The following PRKCD variants were observed in gnomAD, a reference collection of about 807,000 sequenced individuals.
The protein encoded by PRKCD is protein kinase C delta, also known as protein kinase C delta type.
A neutral mutation model predicts 82.2 loss-of-function variants in PRKCD; 20 were observed. The observed-to-expected ratio is 0.24, with a 90% CI of 0.17 to 0.35. PRKCD has a LOEUF of 0.35. PRKCD is among the 10% of genes least tolerant of loss of function. The pLI, the probability that PRKCD is intolerant of heterozygous loss-of-function variation, is 1.00. For missense variants in PRKCD, 607 were observed against 899.0 expected, an observed-to-expected ratio of 0.68 and a Z score of 4.15; for synonymous variants, 317 against 337.0, an observed-to-expected ratio of 0.94 and a Z score of 0.65.
intron 1 of PRKCD, among the ~76,000 whole-genome samples, chr3:53,162,028 G>A: frequency 6.6e-6 from 1 of 151,610 alleles, no homozygotes; most frequent in Admixed American, 6.6e-5. Flanking sequence ...GTCCCTGGAG[G>A]CCCGACCCGC....
intron 1 of PRKCD, among the ~76,000 whole-genome samples, chr3:53,162,532 C>T (rs1310514938): frequency 6.6e-6 from 1 of 152,208 alleles, no homozygotes; most frequent in Non-Finnish European, 1.5e-5. Flanking sequence ...GTGTCAGCTT[C>T]TGTGCTGTCT....
At chr3:53,162,493 A>G (rs1209418509) in intron 1 of PRKCD, among the ~76,000 whole-genome samples, 1 of 152,102 alleles carries the variant, frequency 6.6e-6, no homozygotes, top group Admixed American at 6.5e-5. Flanking sequence ...AGTCACTGGT[A>G]TCTGGGTGTG....
At chr3:53,164,699 T>C (rs1575521603) in intron 1 of PRKCD, among the ~76,000 whole-genome samples, 1 of 152,150 alleles carries the variant, frequency 6.6e-6, no homozygotes, top group East Asian at 1.9e-4. Flanking sequence ...AGGCTAGTAG[T>C]TTCCCCATTA....
chr3:53,182,272 A>G (rs533170142), intron 7 of PRKCD, among the ~76,000 whole-genome samples: 5 of 142,972 alleles, frequency 3.5e-5, no homozygotes, highest in Non-Finnish European at 7.7e-5. Context: ...CCTCATCTAT[A>G]ATTTTTTTTT....
At chr3:53,188,661 G>A (rs1703802817) in intron 15 of PRKCD, 59 bp from the exon 16 acceptor site, 4 of 1,599,288 alleles carry the variant, frequency 2.5e-6, no homozygotes, top group African/African-American at 2.7e-5. Flanking sequence ...GACATGGGGG[G>A]CAGGGTTGGA....
Position 53,183,236 on chromosome 3 carries a change from A to T in PRKCD, c.657+30A>T, listed in dbSNP as rs782642949. 4 of 1,610,404 alleles carry T rather than the reference A, an allele frequency of 2.5e-6. No individual in the cohort carries two copies. The South Asian group carries it at 3.3e-5, about 13-fold the overall frequency. On this transcript the variant is annotated intron_variant, in intron 8 of 18. Transcript: ENST00000330452. ...GCCTGGGTCCGGGGCAGGGCTGGGG[A>T]TCTGGGGGGCTTGGCCAGATGGGAG...
In PRKCD at chr3:53,192,387, C is replaced by T. The variant is rs2107294192; in HGVS notation, c.*121C>T. 1 of 1,238,074 alleles carries T rather than the reference C, an allele frequency of 8.1e-7. No individual in the cohort carries two copies. Among genetic ancestry groups the T allele is most frequent in the East Asian group, 2.3e-5 (1 of 42,564 alleles). The allele number at this position is 1,238,074 out of a possible 1,614,324, so 76.7% of individuals were successfully genotyped here. A position where few individuals can be genotyped will look rare whatever the true frequency, so the allele number is the denominator to read the frequency against. On this transcript the variant is annotated 3_prime_UTR_variant, in exon 19 of 19. Transcript: ENST00000330452. Reference sequence around the variant, plus strand: ...GCCCCGCCCCTGCCCCCAGAGCGTCCTTGGCTGCCGTCTGGCCGGGCTCTC... The same window carrying T: ...GCCCCGCCCCTGCCCCCAGAGCGTCTTTGGCTGCCGTCTGGCCGGGCTCTC...
intron 2 of PRKCD, among the ~76,000 whole-genome samples, chr3:53,171,242 G>A (rs976207978): frequency 1.3e-5 from 2 of 152,200 alleles, no homozygotes; most frequent in South Asian, 2.1e-4. Context: ...CTCTGACTGA[G>A]CCCAGGACTC....
In PRKCD at chr3:53,181,589, G is replaced by C. The variant is rs782117554; in HGVS notation, c.522G>C (p.Val174=). The part of the protein sequence containing the change: ...TFFGQPTFCS[V]CKDFVWGLNK... The stretch of plus-strand genomic sequence containing the variant: ...TTGGGCAACCCACCTTCTGTTCTGT[G>C]TGCAAAGACTTTGTCTGGTGAGAAC... The change falls in exon 6 of 19, where the codon GTG becomes GTC. Residue 174 remains valine (V), a synonymous_variant. Transcript: ENST00000330452. 6.2e-7 allele frequency: 1 copy of C among 1,614,264 alleles called. No individual in the cohort carries two copies. Among genetic ancestry groups the C allele is most frequent in the Non-Finnish European group, 8.5e-7 (1 of 1,180,050 alleles).
At chr3:53,177,513 T>TG (rs1441892905) in intron 2 of PRKCD, among the ~76,000 whole-genome samples, 3 of 152,138 alleles carry the variant, frequency 2.0e-5, no homozygotes, top group Non-Finnish European at 4.4e-5. Context: ...ATCTGAAAAG[T>TG]GGGGGGTGTT....
At chr3:53,182,421 A>C (rs1314365452) in intron 7 of PRKCD, among the ~76,000 whole-genome samples, 5 of 152,042 alleles carry the variant, frequency 3.3e-5, no homozygotes, top group African/African-American at 9.7e-5. Flanking sequence ...GGCGTGCACC[A>C]CCATGCCCGG....
intron 2 of PRKCD, among the ~76,000 whole-genome samples, chr3:53,170,549 G>A (rs2107231344): frequency 6.6e-6 from 1 of 152,368 alleles, no homozygotes; most frequent in African/African-American, 2.4e-5. Flanking sequence ...GCCCAGTGAT[G>A]TGCCTGACCA....
At chr3:53,165,901 T>C (rs1183497419) in intron 2 of PRKCD, among the ~76,000 whole-genome samples, 3 of 152,214 alleles carry the variant, frequency 2.0e-5, no homozygotes, top group South Asian at 2.1e-4. Context: ...TCAGCCCTAT[T>C]ACCATGAAAA....
Position 53,186,767 on chromosome 3 carries a change from C to A in PRKCD, c.1352+72C>A, listed in dbSNP as rs1703712897. The A allele has an allele frequency of 1.3e-5, 18 of 1,418,328 alleles. No homozygotes were observed. In the South Asian group the frequency reaches 2.2e-4, roughly 18 times the overall value. 87.9% of individuals were successfully genotyped at this position (1,418,328 alleles called of 1,614,324 possible). ...TACTGGCTCAGAGCCCACTTCCAGT[C>A]TGCCCTCCATGCCTTCTTCCCTCTC... On this transcript the variant is annotated intron_variant, in intron 14 of 18. Coordinates refer to ENST00000330452, the MANE Select transcript of PRKCD (RefSeq NM_006254.4).
chr3:53,179,061 T>C (rs1444550238), intron 3 of PRKCD, among the ~76,000 whole-genome samples: 1 of 152,206 alleles, frequency 6.6e-6, no homozygotes, highest in Non-Finnish European at 1.5e-5. Context: ...CCCTCAGGTC[T>C]CGGCTGAACT....
chr3:53,189,290 GGCAGGGGCTGGCAGACA>G (rs1553670275), intron 17 of PRKCD, 44 bp downstream of exon 17: 1 of 1,528,164 alleles, frequency 6.5e-7, no homozygotes, highest in Non-Finnish European at 8.8e-7. Flanking sequence ...GCTGGGCTGG[GGCAGGGGCTGGCAGACA>G]CTGGGCTTTG....
chr3:53,186,107 G>C (rs912064593), intron 12 of PRKCD, 60 bp from the exon 13 acceptor site: 23 of 1,607,506 alleles, frequency 1.4e-5, no homozygotes, highest in East Asian at 2.2e-5. Context: ...GGGAGTCTGT[G>C]AATCGGGCTG....
Position 53,161,239 on chromosome 3 carries a change from G to C in PRKCD, c.-321G>C, listed in dbSNP as rs1246002156. The C allele has an allele frequency of 1.3e-5, 2 of 149,990 alleles. No individual in the cohort carries two copies. Among genetic ancestry groups the C allele is most frequent in the African/African-American group, 4.8e-5 (2 of 41,252 alleles). 9.3% of individuals were successfully genotyped at this position (149,990 alleles called of 1,614,324 possible). A position where few individuals can be genotyped will look rare whatever the true frequency, so the allele number is the denominator to read the frequency against. ...TCCGTGTGCCGCGGCGCCGGAGCCC[G>C]AGGCGGCTGTAGCCCACATCTCCCG... On this transcript the variant is annotated 5_prime_UTR_variant, in exon 1 of 19. Coordinates refer to ENST00000330452, the MANE Select transcript of PRKCD (RefSeq NM_006254.4).
At chr3:53,190,257 G>A (rs1359498352) in intron 18 of PRKCD, among the ~76,000 whole-genome samples, 10 of 152,112 alleles carry the variant, frequency 6.6e-5, no homozygotes, top group African/African-American at 1.9e-4. Flanking sequence ...TCACTTTATC[G>A]CTCCATTCAA....
Sources: gnomAD v4.1 joint callset for allele counts (sites outside exome capture counted in the v4.1 genomes callset) on GRCh38, gnomAD v4.1.1 for gene constraint, MANE v1.5 for transcripts, NCBI Gene and HGNC (gene_info 2026-07-23, HGNC 2026-07-21) for gene names.